The following KSR2 variants were observed in gnomAD, a reference collection of about 807,000 sequenced individuals.
The protein encoded by KSR2 is kinase suppressor of ras 2.
KSR2 carries 25 observed loss-of-function variants against 107.8 expected under a neutral mutation model. That is an observed-to-expected ratio of 0.23 (90% CI 0.17 to 0.32). The LOEUF (loss-of-function observed/expected upper bound fraction) is 0.32. Ranked by LOEUF, KSR2 falls within the 10% of genes least tolerant of loss-of-function variation. The pLI is 1.00. For missense variants in KSR2, 887 were observed against 1,268.9 expected (o/e 0.70, Z 4.57); for synonymous variants, 480 against 507.0 (o/e 0.95, Z 0.71).
intron 3 of KSR2, among the ~76,000 whole-genome samples, chr12:117,768,347 A>C (rs958045554): frequency 1.3e-5 from 2 of 152,194 alleles, no homozygotes; most frequent in African/African-American, 4.8e-5. Flanking sequence ...TAAAAGCCAC[A>C]CAGCCCAATG....
intron 5 of KSR2, among the ~76,000 whole-genome samples, chr12:117,592,505 T>C (rs768036582): frequency 5.9e-5 from 9 of 152,110 alleles, no homozygotes; most frequent in Non-Finnish European, 1.2e-4. Context: ...TTGCTCTAAA[T>C]CAAATGTGTG....
chr12:117,767,898 T>G (rs1889302167), intron 3 of KSR2, among the ~76,000 whole-genome samples: 2 of 151,846 alleles, frequency 1.3e-5, no homozygotes, highest in East Asian at 3.9e-4. Flanking sequence ...AGGGCCGGTG[T>G]GACTGATCCC....
chr12:117,849,937 G>A (rs967944552), intron 3 of KSR2, among the ~76,000 whole-genome samples: 1 of 152,232 alleles, frequency 6.6e-6, no homozygotes, highest in African/African-American at 2.4e-5. Context: ...CCAGCTCTGG[G>A]TTGAGCTGGG....
intron 14 of KSR2, among the ~76,000 whole-genome samples, chr12:117,510,754 T>C (rs186916171): frequency 6.6e-6 from 1 of 152,156 alleles, no homozygotes. Flanking sequence ...GGCATGTGCC[T>C]GTGGTCCCAA....
chr12:117,930,573 C>A (rs1022505418), intron 1 of KSR2, among the ~76,000 whole-genome samples: 2 of 152,116 alleles, frequency 1.3e-5, no homozygotes, highest in African/African-American at 4.8e-5. Context: ...ACTGAGTGCC[C>A]AGCATATAGT....
rs553789348 is a variant in KSR2 at position 117,912,425 on chromosome 12, T to C, written c.181-51994A>G. Among the ~76,000 whole-genome samples the C allele has an allele frequency of 1.7e-4, 26 of 152,346 alleles. No homozygotes were observed. In the South Asian group the frequency reaches 3.3e-3, roughly 19 times the overall value. On this transcript the variant is annotated intron_variant, in intron 1 of 19. Transcript: ENST00000339824. ...GTGACCTTAAGACCATTTGGAACTA[T>C]AGAAAAGTACAGCAGACCTTTGCCA...
intron 1 of KSR2, among the ~76,000 whole-genome samples, chr12:117,936,521 T>TAGTAGTAG (rs1566089539): frequency 1.3e-3 from 63 of 46,756 alleles, no homozygotes; most frequent in Admixed American, 3.1e-3. Flanking sequence ...TTTATTATTA[T>TAGTAGTAG]TATTATTATT....
At chr12:117,544,437 G>A (rs545079008) in intron 9 of KSR2, among the ~76,000 whole-genome samples, 79 of 152,202 alleles carry the variant, frequency 5.2e-4, no homozygotes, top group African/African-American at 1.4e-3. Context: ...GGCCAATATA[G>A]TGAAACCCCA....
At chr12:117,965,349 A>G (rs1367409127) in intron 1 of KSR2, among the ~76,000 whole-genome samples, 2 of 152,228 alleles carry the variant, frequency 1.3e-5, no homozygotes, top group African/African-American at 2.4e-5. Context: ...AAGAGAAACC[A>G]TTATTTGCCT....
chr12:117,654,157 G>A (rs555277367), intron 5 of KSR2, among the ~76,000 whole-genome samples: 1 of 152,304 alleles, frequency 6.6e-6, no homozygotes, highest in South Asian at 2.1e-4. Flanking sequence ...CTGCCTATGT[G>A]ACCCGAACTG....
chr12:117,494,558 T>G (rs1450484088), intron 14 of KSR2, among the ~76,000 whole-genome samples: 2 of 152,148 alleles, frequency 1.3e-5, no homozygotes, highest in Non-Finnish European at 2.9e-5. Context: ...AGGTCATCTC[T>G]TAAGTTCAAA....
chr12:117,551,231 C>T (rs991930958), intron 9 of KSR2, among the ~76,000 whole-genome samples: 2 of 151,976 alleles, frequency 1.3e-5, no homozygotes, highest in East Asian at 3.9e-4. Flanking sequence ...CCCACTCTGT[C>T]TTCCTCTTCT....
chr12:117,628,566 T>C (rs913937558), intron 5 of KSR2, among the ~76,000 whole-genome samples: 8 of 152,186 alleles, frequency 5.3e-5, no homozygotes, highest in Non-Finnish European at 8.8e-5. Context: ...TGATCCTTCC[T>C]CTGGAAGCTT....
chr12:117,709,662 C>T (rs78837055), intron 4 of KSR2, among the ~76,000 whole-genome samples: 38 of 152,234 alleles, frequency 2.5e-4, no homozygotes, highest in Middle Eastern at 3.4e-3. Context: ...GGGGACACAG[C>T]GGTTAGCAAA....
intron 1 of KSR2, among the ~76,000 whole-genome samples, chr12:117,894,614 G>A (rs1894449001): frequency 6.6e-6 from 1 of 152,162 alleles, no homozygotes; most frequent in Non-Finnish European, 1.5e-5. Context: ...GGTGGGAGGT[G>A]ATTGAATCAT....
intron 10 of KSR2, among the ~76,000 whole-genome samples, chr12:117,531,997 T>TAC (rs892742882): frequency 1.6e-4 from 25 of 151,714 alleles, no homozygotes; most frequent in Non-Finnish European, 2.7e-4. Flanking sequence ...AATGCATAAT[T>TAC]ACACACACAC....
Position 117,579,165 on chromosome 12 carries a change from C to T in KSR2, c.1279G>A (p.Val427Ile). 6.2e-7 allele frequency: 1 copy of T among 1,613,800 alleles called. No individual in the cohort carries two copies. The highest frequency in any genetic ancestry group is 8.5e-7 in the Non-Finnish European group (1 of 1,179,830). The change falls in exon 7 of 20, where the codon GTC becomes ATC. Residue 427 changes from valine to isoleucine, a missense_variant. Coordinates refer to ENST00000339824, the MANE Select transcript of KSR2 (RefSeq NM_173598.6). ...TKYWMSQTCT[V>I]CGKGMLFGLK... ...CCAAAAAGCATCCCTTTCCCACAGA[C>T]TGTGCACGTCTGAGACATCCAGTAC... is the stretch of plus-strand genomic sequence containing the variant.
intron 17 of KSR2, among the ~76,000 whole-genome samples, chr12:117,472,887 C>G (rs1224473637): frequency 2.0e-5 from 3 of 152,008 alleles, no homozygotes; most frequent in Non-Finnish European, 4.4e-5. Context: ...CTCTGCTGAC[C>G]CTGGAGGGTC....
At chr12:117,656,746 C>T (rs919209716) in intron 5 of KSR2, among the ~76,000 whole-genome samples, 3 of 151,954 alleles carry the variant, frequency 2.0e-5, no homozygotes, top group East Asian at 1.9e-4. Context: ...GGCCTAGCCT[C>T]CCAGCCTACA....
Sources: allele counts gnomAD v4.1 joint callset (sites outside exome capture counted in the v4.1 genomes callset), GRCh38; gene constraint gnomAD v4.1.1; transcripts MANE v1.5; gene names NCBI Gene and HGNC (gene_info 2026-07-23, HGNC 2026-07-21).